Variants in MED24 observed in about 807,000 individuals in gnomAD.
MED24 encodes the protein mediator complex subunit 24, also known as mediator of RNA polymerase II transcription subunit 24.
A neutral mutation model predicts 118.8 loss-of-function variants in MED24; 74 were observed. The observed-to-expected ratio is 0.62, with a 90% CI of 0.52 to 0.76. The LOEUF is 0.76. MED24 is among the 30% of genes least tolerant of loss of function. The pLI is 0.00. For missense variants in MED24, 1,041 were observed against 1,278.9 expected, an observed-to-expected ratio of 0.81 and a Z score of 2.84; for synonymous variants, 521 against 523.9, an observed-to-expected ratio of 0.99 and a Z score of 0.08.
Position 40,022,659 on chromosome 17 carries a change from G to C in MED24, c.2418C>G (p.Gly806=). The C allele has an allele frequency of 6.2e-7, 1 of 1,613,472 alleles. No homozygotes were observed. Among genetic ancestry groups the C allele is most frequent in the Non-Finnish European group, 8.5e-7 (1 of 1,179,974 alleles). Residue 806 remains glycine, a synonymous_variant, in exon 21 of 26, where the codon GGC becomes GGG. Transcript: ENST00000394128. ...SKWHSLMDPP[G]TALAKLAVWC... ...GAGAATCTTACTTGGCAAGAGCAGT[G>C]CCCGGGGGGTCCATGAGGCTGTGCC...
At chr17:40,022,917 G>A in intron 20 of MED24, 91 bp from the exon 21 acceptor site, 1 of 1,462,720 alleles carries the variant, frequency 6.8e-7, no homozygotes, top group Non-Finnish European at 9.2e-7. Flanking sequence ...TGTCCAGTAA[G>A]GCCCGCAGAG....
chr17:40,032,447 A>C, intron 9 of MED24: 1 of 579,546 alleles, frequency 1.7e-6, no homozygotes, highest in Non-Finnish European at 3.1e-6. Flanking sequence ...CCTCTGTGGT[A>C]AGAAACAACG....
At chr17:40,031,993 C>A in intron 10 of MED24, 50 bp downstream of exon 10, 1 of 1,587,612 alleles carries the variant, frequency 6.3e-7, no homozygotes, top group South Asian at 1.1e-5. Flanking sequence ...AGGACCCTCC[C>A]CTTTGCCCTT....
In MED24 at chr17:40,022,469, A is replaced by C; in HGVS notation, c.2448T>G (p.Cys816Trp). Reference sequence around the variant, plus strand: ...TGTGGGAGGAGTAGGAACTGAGGGCACACCACACGGCCAGCCTGGCAAAGG... The same window carrying C: ...TGTGGGAGGAGTAGGAACTGAGGGCCCACCACACGGCCAGCCTGGCAAAGG... ...GTALAKLAVW[C>W]ALSSYSSHKG... The change falls in exon 22 of 26, where the codon TGT (cysteine) becomes TGG (tryptophan). Residue 816 changes from cysteine to tryptophan, a missense_variant. By Grantham distance (215) the Cys-to-Trp change is radical (BLOSUM62 -2). Transcript: ENST00000394128. The C allele has an allele frequency of 6.2e-7, 1 of 1,609,830 alleles. No homozygotes were observed. The highest frequency in any genetic ancestry group is 8.5e-7 in the Non-Finnish European group (1 of 1,178,298).
At chr17:40,019,976 G>A in intron 24 of MED24, 43 bp from the exon 25 acceptor site, 5 of 1,548,156 alleles carry the variant, frequency 3.2e-6, no homozygotes, top group Non-Finnish European at 4.4e-6. Flanking sequence ...AGTTCCATGA[G>A]AGTGGGTGAG....
At chr17:40,029,195 T>C (rs1334291533) in intron 13 of MED24, among the ~76,000 whole-genome samples, 1 of 152,166 alleles carries the variant, frequency 6.6e-6, no homozygotes, top group Non-Finnish European at 1.5e-5. Context: ...ACGGCTAGGA[T>C]CTTCTCTGTC....
intron 3 of MED24, among the ~76,000 whole-genome samples, chr17:40,039,388 C>T (rs1037341685): frequency 6.6e-6 from 1 of 152,100 alleles, no homozygotes; most frequent in Non-Finnish European, 1.5e-5. Flanking sequence ...TGTGGCTAGC[C>T]CCACCTGACC....
At position 40,040,759 on chromosome 17, in the gene MED24, C is replaced by T. The variant is rs142612606; in HGVS notation, c.214-4605G>A. Among the ~76,000 whole-genome samples, 52 of 152,092 alleles carry T rather than the reference C, an allele frequency of 3.4e-4. 1 individual carries two copies. Among genetic ancestry groups the T allele is most frequent in the Admixed American group, 1.7e-3 (26 of 15,262 alleles). On this transcript the variant is annotated intron_variant, in intron 3 of 25. Coordinates refer to ENST00000394128, the MANE Select transcript of MED24 (RefSeq NM_014815.4). ...TCAGCCACCTGAGTAGCTGGGATTA[C>T]AGGCATGCACCACCACATCCAGCTT...
intron 6 of MED24, chr17:40,034,770 C>T (rs544698620): frequency 1.7e-5 from 10 of 588,740 alleles, no homozygotes; most frequent in Non-Finnish European, 2.7e-5. Flanking sequence ...GTTTTTTCCT[C>T]GTCTGTGATG....
chr17:40,024,155 AAAG>A (rs1263855823), intron 19 of MED24, among the ~76,000 whole-genome samples: 2 of 152,144 alleles, frequency 1.3e-5, no homozygotes, highest in African/African-American at 4.8e-5. Context: ...AGAAAGGAAA[AAAG>A]GAGGAGGCAA....
chr17:40,043,902 A>AAAAAAAAAAAAAAAAAC lies in MED24; in HGVS notation c.214-7749_214-7748insGTTTTTTTTTTTTTTTT, dbSNP rs1984848992. ...CGAGACTCCATCTCAAAAAAAAAAA[A>AAAAAAAAAAAAAAAAAC]AACAAAGATTTAAATATTAGGTTCG... On this transcript the variant is annotated intron_variant, in intron 3 of 25. Transcript: ENST00000394128. 2.6e-5 allele frequency among the ~76,000 whole-genome samples: 4 copies of AAAAAAAAAAAAAAAAAC among 150,948 alleles called. No individual in the cohort carries two copies. In the East Asian group the frequency reaches 7.8e-4, roughly 29 times the overall value.
At position 40,035,788 on chromosome 17, in the gene MED24, T is replaced by C. The variant is rs768446876; in HGVS notation, c.260A>G (p.Asp87Gly). 12 of 1,613,640 alleles carry C rather than the reference T, an allele frequency of 7.4e-6. No homozygotes were observed. Among genetic ancestry groups the C allele is most frequent in the Non-Finnish European group, 1.0e-5 (12 of 1,179,782 alleles). ...CTGGACACACAGGTCCCGAGAAAAG[T>C]CATCAAACTGTGGAAAGGACAGTGG... ...SVLTAISKFD[D>G]FSRDLCVQAL... Residue 87 changes from aspartate to glycine, a missense_variant, in exon 5 of 26, where the codon GAC becomes GGC. Asp to Gly is a moderately conservative substitution (Grantham distance 94, BLOSUM62 -1). Around this residue, in one of 3 missense-constraint regions of MED24, gnomAD observed 434 missense variants for 514.9 expected, o/e 0.84. Coordinates refer to ENST00000394128, the MANE Select transcript of MED24 (RefSeq NM_014815.4).
In MED24 at chr17:40,019,282, C is replaced by T; in HGVS notation, c.*247G>A. 9.4e-6 allele frequency: 5 copies of T among 534,464 alleles called. No individual in the cohort carries two copies. Among genetic ancestry groups the T allele is most frequent in the Non-Finnish European group, 1.0e-5 (3 of 300,412 alleles). The allele number at this position is 534,464 out of a possible 1,614,324, so 33.1% of individuals were successfully genotyped here. A position where few individuals can be genotyped will look rare whatever the true frequency, so the allele number is the denominator to read the frequency against. ...GGGCGGGCGCACACAGGGGTGACCACTGGGCTTGTGGTCCAGGCTGCTCAC... is the reference window on the plus strand; with the variant it reads ...GGGCGGGCGCACACAGGGGTGACCATTGGGCTTGTGGTCCAGGCTGCTCAC... On this transcript the variant is annotated 3_prime_UTR_variant, in exon 26 of 26. Transcript: ENST00000394128.
chr17:40,028,009 G>A, intron 14 of MED24, 63 bp from the exon 15 acceptor site: 1 of 1,526,498 alleles, frequency 6.6e-7, no homozygotes, highest in Admixed American at 1.7e-5. Flanking sequence ...CTGGGCGCTG[G>A]GGCTACACAT....
chr17:40,042,205 G>T (rs899531986), intron 3 of MED24, among the ~76,000 whole-genome samples: 1 of 152,098 alleles, frequency 6.6e-6, no homozygotes, highest in Admixed American at 6.6e-5. Flanking sequence ...AGGAAATCTG[G>T]ATTAAAATAT....
At chr17:40,030,236 C>T (rs112843547) in intron 12 of MED24, among the ~76,000 whole-genome samples, 1 of 152,152 alleles carries the variant, frequency 6.6e-6, no homozygotes, top group African/African-American at 2.4e-5. Context: ...GTGATCCACC[C>T]ACCTTGGCTT....
chr17:40,027,518 TG>T, intron 15 of MED24, 53 bp from the exon 16 acceptor site: 1 of 1,533,236 alleles, frequency 6.5e-7, no homozygotes. Flanking sequence ...GGGGAGCCCG[TG>T]TCTGGGTTGA....
intron 3 of MED24, among the ~76,000 whole-genome samples, chr17:40,042,413 G>A (rs1457723136): frequency 2.0e-5 from 3 of 152,306 alleles, no homozygotes; most frequent in African/African-American, 4.8e-5. Flanking sequence ...AGTGGCTCAC[G>A]CCTGTAATCC....
At position 40,026,144 on chromosome 17, in the gene MED24, C is replaced by G; in HGVS notation, c.1985+12G>C. The G allele has an allele frequency of 6.2e-7, 1 of 1,607,486 alleles. No homozygotes were observed. Among genetic ancestry groups the G allele is most frequent in the Non-Finnish European group, 8.5e-7 (1 of 1,175,082 alleles). The stretch of plus-strand genomic sequence containing the variant: ...ACTTGAAGGGTCTGAGAAGGGAAGG[C>G]AGGTTACCGACCTCTCATTGTAGAA... On this transcript the variant is annotated intron_variant, in intron 19 of 25. Transcript: ENST00000394128.
Sources: allele counts gnomAD v4.1 joint callset (sites outside exome capture counted in the v4.1 genomes callset), GRCh38; gene constraint gnomAD v4.1.1; regional missense constraint gnomAD v4.1.1; transcripts MANE v1.5; gene names NCBI Gene and HGNC (gene_info 2026-07-23, HGNC 2026-07-21).